The following MSI2 variants were observed in gnomAD, a reference collection of about 807,000 sequenced individuals.
MSI2 encodes musashi RNA binding protein 2.
In MSI2, 17 loss-of-function variants were observed where a neutral mutation model predicts 45.6. That is an observed-to-expected ratio of 0.37 (90% CI 0.26 to 0.56). The LOEUF is 0.56. MSI2 is among the 20% of genes least tolerant of loss of function. The pLI is 0.77. For synonymous variants in MSI2, 156 were observed against 158.2 expected, an observed-to-expected ratio of 0.99 and a Z score of 0.11; for missense variants, 293 against 444.2, an observed-to-expected ratio of 0.66 and a Z score of 3.06.
intron 6 of MSI2, among the ~76,000 whole-genome samples, chr17:57,427,776 A>T (rs2084522022): frequency 6.6e-6 from 1 of 152,170 alleles, no homozygotes; most frequent in South Asian, 2.1e-4. Context: ...TTAATCTTTC[A>T]TATTTGATCG....
Position 57,256,798 on chromosome 17 carries a change from A to T in MSI2, c.56A>T (p.Asp19Val). 1.4e-6 allele frequency: 2 copies of T among 1,471,230 alleles called. No individual in the cohort carries two copies. Among genetic ancestry groups the T allele is most frequent in the Non-Finnish European group, 1.8e-6 (2 of 1,113,680 alleles). The allele number at this position is 1,471,230 out of a possible 1,614,324, so 91.1% of individuals were successfully genotyped here. A position where few individuals can be genotyped will look rare whatever the true frequency, so the allele number is the denominator to read the frequency against. ...TSGSANDSQHDPGKMFIGGLS... is the reference protein window; with the variant it reads ...TSGSANDSQHVPGKMFIGGLS... Reference sequence around the variant, plus strand: ...GGCAGCGCCAACGACTCCCAGCACGACCCCGGGTAAGTTTCCAGCCGCTGC... The same window carrying T: ...GGCAGCGCCAACGACTCCCAGCACGTCCCCGGGTAAGTTTCCAGCCGCTGC... Residue 19 changes from aspartate to valine, a missense_variant, in exon 1 of 14, where the codon GAC becomes GTC. Asp to Val is a radical substitution (Grantham distance 152). Transcript: ENST00000284073.
chr17:57,660,165 A>G (rs1311349082), intron 11 of MSI2, among the ~76,000 whole-genome samples: 2 of 152,020 alleles, frequency 1.3e-5, no homozygotes, highest in Non-Finnish European at 2.9e-5. Flanking sequence ...CCTCCTTCTC[A>G]TTTCAATACT....
chr17:57,586,053 T>C (rs2088337692), intron 7 of MSI2, among the ~76,000 whole-genome samples: 1 of 152,218 alleles, frequency 6.6e-6, no homozygotes, highest in Admixed American at 6.5e-5. Flanking sequence ...TATGTTTCTC[T>C]CTCGCCAAGA....
chr17:57,566,089 A>AGAGC (rs1347400569), intron 7 of MSI2: 1 of 152,202 alleles, frequency 6.6e-6, no homozygotes, highest in Non-Finnish European at 1.5e-5. Context: ...GGTTCGAGGT[A>AGAGC]GAGCGGCCTT....
chr17:57,405,086 A>G (rs551381037), intron 6 of MSI2, among the ~76,000 whole-genome samples: 4 of 152,180 alleles, frequency 2.6e-5, no homozygotes, highest in Admixed American at 2.0e-4. Flanking sequence ...GAGAAGGGTA[A>G]GGCAGCAGAT....
chr17:57,700,081 G>A, the MSI2 span, among the ~76,000 whole-genome samples: 4 of 152,226 alleles, frequency 2.6e-5, no homozygotes, highest in Non-Finnish European at 2.9e-5. Flanking sequence ...GTCGGCAAAC[G>A]TTAACGGCTG....
rs1913808157 is a variant in MSI2 at position 57,684,486 on chromosome 17, G to A, written c.*4969G>A. On this transcript the variant is annotated 3_prime_UTR_variant, in exon 14 of 14. Transcript: ENST00000284073. ...TCTCAAGCATCTTTCAGGTCTTTGT[G>A]TGTGGCTTTCTTAAAGCCCTGTTGT... 1.7e-5 allele frequency: 3 copies of A among 173,512 alleles called. No homozygotes were observed. The East Asian group carries it at 3.0e-4, about 17-fold the overall frequency. The allele number at this position is 173,512 out of a possible 1,614,324, so 10.7% of individuals were successfully genotyped here.
chr17:57,526,547 A>G (rs1598366406), intron 6 of MSI2, among the ~76,000 whole-genome samples: 1 of 151,918 alleles, frequency 6.6e-6, no homozygotes, highest in Non-Finnish European at 1.5e-5. Flanking sequence ...TTTGATTCAC[A>G]TAGAACCGTG....
intron 6 of MSI2, among the ~76,000 whole-genome samples, chr17:57,485,766 A>T (rs1233412161): frequency 1.3e-5 from 2 of 152,214 alleles, no homozygotes; most frequent in Non-Finnish European, 2.9e-5. Context: ...AAAAGTTGCC[A>T]TAAAGACTAT....
At chr17:57,606,118 G>A (rs764120987) in intron 8 of MSI2, 1 of 152,394 alleles carries the variant, frequency 6.6e-6, no homozygotes, top group Non-Finnish European at 1.5e-5. Flanking sequence ...GGGTTAGGGA[G>A]AAAGGCAATG....
At chr17:57,487,277 G>A (rs192115446) in intron 6 of MSI2, among the ~76,000 whole-genome samples, 5 of 152,348 alleles carry the variant, frequency 3.3e-5, no homozygotes, top group South Asian at 2.1e-4. Context: ...AGCCAGTCAC[G>A]TGTTCCACAC....
At chr17:57,663,952 TC>T (rs1243747508) in intron 11 of MSI2, among the ~76,000 whole-genome samples, 1 of 151,666 alleles carries the variant, frequency 6.6e-6, no homozygotes, top group African/African-American at 2.4e-5. Flanking sequence ...TCCTTCTCCC[TC>T]CTAGGGGGAG....
rs141396437 is a variant in MSI2 at position 57,684,650 on chromosome 17, C to CAA, written c.*5143_*5144dup. ...TCCAGAAATCAATGTGTTTGTCTGA[C>CAA]AAAAAAAAAAATAAAATAAAATAAA... On this transcript the variant is annotated 3_prime_UTR_variant, in exon 14 of 14. Coordinates refer to ENST00000284073, the MANE Select transcript of MSI2 (RefSeq NM_138962.4). 4.1e-5 allele frequency: 6 copies of CAA among 146,328 alleles called. No homozygotes were observed. In the East Asian group the frequency reaches 4.8e-4, roughly 12 times the overall value. The allele number at this position is 146,328 out of a possible 1,614,324, so 9.1% of individuals were successfully genotyped here.
chr17:57,317,349 T>C (rs1912931072), intron 5 of MSI2, among the ~76,000 whole-genome samples: 1 of 152,168 alleles, frequency 6.6e-6, no homozygotes, highest in African/African-American at 2.4e-5. Context: ...ACATAACTTC[T>C]GTCCCTGGGA....
chr17:57,581,416 G>C (rs144568170), intron 7 of MSI2, among the ~76,000 whole-genome samples: 17 of 152,188 alleles, frequency 1.1e-4, no homozygotes, highest in African/African-American at 4.1e-4. Context: ...GGATTTCTAC[G>C]ATGTCCTCGG....
chr17:57,422,199 C>T (rs140362572), intron 6 of MSI2, among the ~76,000 whole-genome samples: 24 of 152,250 alleles, frequency 1.6e-4, no homozygotes, highest in African/African-American at 4.8e-4. Flanking sequence ...CGGTGGCTCA[C>T]GCCTGTAATC....
chr17:57,643,954 G>T (rs973172936), intron 10 of MSI2, among the ~76,000 whole-genome samples: 7 of 152,110 alleles, frequency 4.6e-5, no homozygotes, highest in African/African-American at 9.7e-5. Flanking sequence ...TTCACATTTG[G>T]CCCCTCTCCG....
At chr17:57,540,842 C>T (rs1226648333) in intron 7 of MSI2, among the ~76,000 whole-genome samples, 5 of 152,206 alleles carry the variant, frequency 3.3e-5, no homozygotes, top group African/African-American at 7.2e-5. Flanking sequence ...TTAAGCTCCC[C>T]CCTCCCATTT....
intron 5 of MSI2, among the ~76,000 whole-genome samples, chr17:57,287,676 C>T (rs1040863967): frequency 3.3e-5 from 5 of 152,192 alleles, no homozygotes; most frequent in Non-Finnish European, 7.3e-5. Context: ...AAGCCCTTTC[C>T]CTGCCTGGTT....
Sources: allele counts gnomAD v4.1 joint callset (sites outside exome capture counted in the v4.1 genomes callset), GRCh38; gene constraint gnomAD v4.1.1; transcripts MANE v1.5; gene names NCBI Gene and HGNC (gene_info 2026-07-23, HGNC 2026-07-21).